The following SPINK5 variants were observed in gnomAD, a reference collection of about 807,000 sequenced individuals.
SPINK5 encodes serine protease inhibitor Kazal-type 5.
A neutral mutation model predicts 151.8 loss-of-function variants in SPINK5; 125 were observed. The observed-to-expected ratio is 0.82, with a 90% CI of 0.71 to 0.96. The LOEUF (loss-of-function observed/expected upper bound fraction) is 0.96. SPINK5 is among the 40% of genes least tolerant of loss of function. The pLI is 0.00. For missense variants in SPINK5, 1,194 were observed against 1,291.9 expected (o/e 0.92, Z 1.16); for synonymous variants, 374 against 395.3 (o/e 0.95, Z 0.64).
chr5:148,100,014 T>C (rs1278139777), intron 12 of SPINK5, among the ~76,000 whole-genome samples: 1 of 152,134 alleles, frequency 6.6e-6, no homozygotes, highest in Non-Finnish European at 1.5e-5. Context: ...ACCTGTGTTT[T>C]TCAGCTAGTT....
intron 4 of SPINK5, among the ~76,000 whole-genome samples, chr5:148,077,637 GTATATATA>G (rs71001472): frequency 7.4e-6 from 1 of 135,064 alleles, no homozygotes; most frequent in East Asian, 2.2e-4. Context: ...GTTTTATCAG[GTATATATA>G]TATATATATA....
chr5:148,075,598 T>G (rs75786340), intron 4 of SPINK5, among the ~76,000 whole-genome samples: 4,444 of 151,808 alleles, frequency 0.029, 104 homozygotes, highest in South Asian at 0.094. Context: ...CTAAATCAGG[T>G]GGTCAGCAGA....
chr5:148,137,056 C>A lies in SPINK5; in HGVS notation c.*65C>A. On this transcript the variant is annotated 3_prime_UTR_variant, in exon 33 of 33. Transcript: ENST00000256084. ...CCAGTTCTGAATCACCTACCTTCAC[C>A]ATCTGTATATACAAAGAATTCTTCG... 6.3e-7 allele frequency: 1 copy of A among 1,586,760 alleles called. No homozygotes were observed. The highest frequency in any genetic ancestry group is 8.7e-7 in the Non-Finnish European group (1 of 1,155,602).
In SPINK5 at chr5:148,114,268, C is replaced by CT. The variant is rs377089918; in HGVS notation, c.1888-93dup. ...AAAAAATTCTCAGGTCATTTTCTCT[C>CT]TCTTTTTTTTTTTTCTATAAAGCAC... On this transcript the variant is annotated intron_variant, in intron 20 of 32. Coordinates refer to ENST00000256084, the MANE Select transcript of SPINK5 (RefSeq NM_006846.4). 0.35 allele frequency: 437,640 copies of CT among 1,264,706 alleles called. 36,487 individuals carry two copies. The highest frequency in any genetic ancestry group is 0.45 in the Admixed American group (16,882 of 37,182). 78.3% of individuals were successfully genotyped at this position (1,264,706 alleles called of 1,614,324 possible).
At chr5:148,128,900 T>C (rs1445577310) in intron 30 of SPINK5, among the ~76,000 whole-genome samples, 1 of 152,152 alleles carries the variant, frequency 6.6e-6, no homozygotes, top group East Asian at 1.9e-4. Flanking sequence ...GTTCATAGTA[T>C]ATTGGAAAAG....
chr5:148,132,867 G>A (rs981062287), intron 31 of SPINK5, among the ~76,000 whole-genome samples: 2 of 152,014 alleles, frequency 1.3e-5, no homozygotes, highest in East Asian at 3.9e-4. Context: ...AGACCTTATA[G>A]GTTTTTAAGA....
intron 30 of SPINK5, 148 bp from the exon 31 acceptor site, chr5:148,131,111 A>G (rs1328941448): frequency 2.6e-6 from 3 of 1,155,630 alleles, no homozygotes; most frequent in East Asian, 4.7e-5. Flanking sequence ...TATGGTGCAA[A>G]ATCAATCTTT....
chr5:148,105,548 A>G (rs1045633793), intron 16 of SPINK5, among the ~76,000 whole-genome samples: 1 of 152,078 alleles, frequency 6.6e-6, no homozygotes, highest in African/African-American at 2.4e-5. Context: ...AGCAGAGTCA[A>G]ATTTATCTGT....
intron 2 of SPINK5, among the ~76,000 whole-genome samples, chr5:148,068,554 CAAAAAAAAAAAAAA>C (rs1166912306): frequency 1.1e-5 from 1 of 89,220 alleles, no homozygotes; most frequent in Non-Finnish European, 2.2e-5. Context: ...CCTGCCTCTC[CAAAAAAAAAAAAAA>C]AAAAAAAAAA....
rs1301500094 is a variant in SPINK5 at position 148,127,046 on chromosome 5, A to G, written c.2931A>G (p.Gln977=). ...AGCCATCCCATGTTAGAGCTTCTCAAGAGGAAGACAGCCCAGACTCTTTCA... is the reference window on the plus strand; with the variant it reads ...AGCCATCCCATGTTAGAGCTTCTCAGGAGGAAGACAGCCCAGACTCTTTCA... ...QEKPSHVRAS[Q]EEDSPDSFSS... Residue 977 remains glutamine (Q), a synonymous_variant, in exon 30 of 33, where the codon CAA becomes CAG. Transcript: ENST00000256084. 11 of 1,613,656 alleles carry G rather than the reference A, an allele frequency of 6.8e-6. No homozygotes were observed. The East Asian group carries it at 2.2e-4, about 33-fold the overall frequency.
intron 27 of SPINK5, 111 bp from the exon 28 acceptor site, chr5:148,124,654 A>G: frequency 1.3e-6 from 1 of 754,834 alleles, no homozygotes; most frequent in Non-Finnish European, 2.0e-6. Context: ...TAGGTATAAG[A>G]AAACAGTGTT....
intron 23 of SPINK5, 151 bp downstream of exon 23, chr5:148,118,715 G>A (rs1754169238): frequency 1.7e-6 from 2 of 1,204,078 alleles, no homozygotes; most frequent in African/African-American, 3.0e-5. Flanking sequence ...GTTCTCTAAG[G>A]AACAATGAGC....
intron 8 of SPINK5, among the ~76,000 whole-genome samples, chr5:148,093,886 T>A (rs1753382077): frequency 6.6e-6 from 1 of 151,986 alleles, no homozygotes; most frequent in Non-Finnish European, 1.5e-5. Flanking sequence ...AATTACTGTT[T>A]CTTAGTAATC....
At chr5:148,131,492 G>A in intron 31 of SPINK5, 103 bp downstream of exon 31, 1 of 1,510,006 alleles carries the variant, frequency 6.6e-7, no homozygotes, top group Non-Finnish European at 9.1e-7. Context: ...TGTGTTGCAA[G>A]TAATTTATTC....
chr5:148,092,100 G>A (rs1205953835), intron 8 of SPINK5, among the ~76,000 whole-genome samples: 1 of 151,870 alleles, frequency 6.6e-6, no homozygotes, highest in East Asian at 1.9e-4. Flanking sequence ...ATAATGACCT[G>A]AATTTTACCT....
chr5:148,113,155 G>C lies in SPINK5; in HGVS notation c.1887+221G>C, dbSNP rs73794675. 0.15 allele frequency among the ~76,000 whole-genome samples: 23,202 copies of C among 151,992 alleles called. 2,411 individuals carry two copies. Among genetic ancestry groups the C allele is most frequent in the East Asian group, 0.32 (1,652 of 5,148 alleles). On this transcript the variant is annotated intron_variant, in intron 20 of 32. Transcript: ENST00000256084. The stretch of plus-strand genomic sequence containing the variant: ...ACTACTCCACTTGGCTGTTGTGACT[G>C]TAAAACAGCCCTAGACTGTATACAA...
chr5:148,091,243 C>G lies in SPINK5; in HGVS notation c.666+15C>G, dbSNP rs1292575682. ...ATGCTGAAAAGGTAAAATGACTCACCAACGCAATTTTGTTCTTGTGGCCAT... is the reference window on the plus strand; with the variant it reads ...ATGCTGAAAAGGTAAAATGACTCACGAACGCAATTTTGTTCTTGTGGCCAT... On this transcript the variant is annotated intron_variant, in intron 8 of 32. Coordinates refer to ENST00000256084, the MANE Select transcript of SPINK5 (RefSeq NM_006846.4). 1 of 1,609,408 alleles carries G rather than the reference C, an allele frequency of 6.2e-7. No individual in the cohort carries two copies. Among genetic ancestry groups the G allele is most frequent in the Non-Finnish European group, 8.5e-7 (1 of 1,177,290 alleles).
chr5:148,107,083 T>A lies in SPINK5; in HGVS notation c.1526T>A (p.Ile509Lys). 1.9e-6 allele frequency: 3 copies of A among 1,613,338 alleles called. No homozygotes were observed. Among genetic ancestry groups the A allele is most frequent in the Non-Finnish European group, 2.5e-6 (3 of 1,179,490 alleles). Reference sequence around the variant, plus strand: ...GACCAAGTGAGGAATGGAACACTTATATGCACCAGGGAGCATAATCCTGTC... The same window carrying A: ...GACCAAGTGAGGAATGGAACACTTAAATGCACCAGGGAGCATAATCCTGTC... Reference protein sequence around the residue: ...FRDQVRNGTLICTREHNPVRG... With the variant: ...FRDQVRNGTLKCTREHNPVRG... Residue 509 changes from isoleucine to lysine, a missense_variant, in exon 17 of 33, where the codon ATA becomes AAA. Transcript: ENST00000256084.
At chr5:148,092,191 T>A (rs1471854220) in intron 8 of SPINK5, among the ~76,000 whole-genome samples, 1 of 151,986 alleles carries the variant, frequency 6.6e-6, no homozygotes. Flanking sequence ...GTAGGGCTTA[T>A]GTTTTCCTAA....
Sources: allele counts gnomAD v4.1 joint callset (sites outside exome capture counted in the v4.1 genomes callset), GRCh38; gene constraint gnomAD v4.1.1; transcripts MANE v1.5; gene names NCBI Gene and HGNC (gene_info 2026-07-23, HGNC 2026-07-21).